The following ARB2A variants were observed in gnomAD, a reference collection of about 807,000 sequenced individuals.
The protein encoded by ARB2A is cotranscriptional regulator ARB2A.
At chr5:93,995,370 A>C in the ARB2A span, among the ~76,000 whole-genome samples, 1 of 152,224 alleles carries the variant, frequency 6.6e-6, no homozygotes, top group African/African-American at 2.4e-5. Flanking sequence ...ACCTTGAATA[A>C]TACCATGGGA....
the ARB2A span, among the ~76,000 whole-genome samples, chr5:93,969,907 G>A: frequency 6.6e-6 from 1 of 151,928 alleles, no homozygotes; most frequent in Non-Finnish European, 1.5e-5. Flanking sequence ...ACATTAAGAA[G>A]CCTCCTAGAA....
chr5:93,667,182 C>T, the ARB2A span, among the ~76,000 whole-genome samples: 1 of 152,076 alleles, frequency 6.6e-6, no homozygotes, highest in Non-Finnish European at 1.5e-5. Context: ...TTTTCTTAAC[C>T]TTCCAATTGC....
At chr5:93,867,733 T>C in the ARB2A span, among the ~76,000 whole-genome samples, 3 of 152,032 alleles carry the variant, frequency 2.0e-5, no homozygotes, top group Admixed American at 6.6e-5. Flanking sequence ...AGAACAAGAA[T>C]TAAGGAAAGT....
the ARB2A span, among the ~76,000 whole-genome samples, chr5:93,718,173 G>A: frequency 1.3e-5 from 2 of 151,996 alleles, no homozygotes; most frequent in African/African-American, 2.4e-5. Context: ...TGGGCGCGGT[G>A]GCTCACACCT....
chr5:93,689,949 G>A, the ARB2A span, among the ~76,000 whole-genome samples: 3 of 152,100 alleles, frequency 2.0e-5, no homozygotes, highest in African/African-American at 7.2e-5. Context: ...GAAGCCCAAG[G>A]GGTTGAAGAA....
the ARB2A span, among the ~76,000 whole-genome samples, chr5:93,682,533 A>G: frequency 6.6e-6 from 1 of 150,858 alleles, no homozygotes; most frequent in Non-Finnish European, 1.5e-5. Context: ...TTATTAAAAT[A>G]CTGAGTTTTA....
the ARB2A span, among the ~76,000 whole-genome samples, chr5:93,710,530 AC>A: frequency 6.6e-6 from 1 of 152,230 alleles, no homozygotes; most frequent in Non-Finnish European, 1.5e-5. Flanking sequence ...AGCCACACAC[AC>A]ATAGCTATTT....
the ARB2A span, among the ~76,000 whole-genome samples, chr5:93,835,217 C>A: frequency 6.6e-6 from 1 of 152,144 alleles, no homozygotes; most frequent in African/African-American, 2.4e-5. Flanking sequence ...ATTCTACTAC[C>A]TAGGCATTGC....
chr5:93,928,893 T>C, the ARB2A span, among the ~76,000 whole-genome samples: 1 of 152,086 alleles, frequency 6.6e-6, no homozygotes, highest in Non-Finnish European at 1.5e-5. Flanking sequence ...GAAGAAATAA[T>C]ACTCTTACAG....
the ARB2A span, among the ~76,000 whole-genome samples, chr5:93,777,105 G>T: frequency 6.8e-6 from 1 of 147,306 alleles, no homozygotes; most frequent in Non-Finnish European, 1.5e-5. Context: ...TATCAAAATA[G>T]TTGTAAAGAA....
chr5:93,697,667 A>G, the ARB2A span, among the ~76,000 whole-genome samples: 6 of 152,206 alleles, frequency 3.9e-5, no homozygotes, highest in Admixed American at 3.3e-4. Context: ...TAATTTATAA[A>G]TCACATTGTT....
At chr5:94,007,503 T>C in the ARB2A span, among the ~76,000 whole-genome samples, 1 of 152,196 alleles carries the variant, frequency 6.6e-6, no homozygotes, top group East Asian at 1.9e-4. Flanking sequence ...CTGGGTGCGG[T>C]GGCTCACATC....
the ARB2A span, among the ~76,000 whole-genome samples, chr5:93,988,269 T>C: frequency 6.6e-6 from 1 of 152,168 alleles, no homozygotes; most frequent in Admixed American, 6.5e-5. Flanking sequence ...ATGTAGTAGC[T>C]TCCCAGTGCC....
At chr5:94,022,108 T>G in the ARB2A span, among the ~76,000 whole-genome samples, 1 of 151,920 alleles carries the variant, frequency 6.6e-6, no homozygotes, top group East Asian at 1.9e-4. Flanking sequence ...AATCAAAGGA[T>G]GATTAAAACC....
the ARB2A span, among the ~76,000 whole-genome samples, chr5:93,872,997 T>C: frequency 6.6e-6 from 1 of 152,214 alleles, no homozygotes; most frequent in African/African-American, 2.4e-5. Flanking sequence ...GTCAGCACAC[T>C]TCAGTATAAT....
the ARB2A span, among the ~76,000 whole-genome samples, chr5:94,083,969 A>G: frequency 1.3e-5 from 2 of 152,116 alleles, no homozygotes; most frequent in Non-Finnish European, 2.9e-5. Flanking sequence ...TTTTTAATAC[A>G]TCATTAATAA....
At chr5:93,887,902 T>C in the ARB2A span, among the ~76,000 whole-genome samples, 3 of 151,894 alleles carry the variant, frequency 2.0e-5, no homozygotes, top group African/African-American at 7.2e-5. Flanking sequence ...ACCGCTGTAG[T>C]TGGAAGAAGA....
the ARB2A span, among the ~76,000 whole-genome samples, chr5:94,046,480 C>T: frequency 6.6e-6 from 1 of 152,102 alleles, no homozygotes; most frequent in East Asian, 1.9e-4. Flanking sequence ...AACTCATACC[C>T]ACCAGGAGGG....
chr5:93,637,354 GTTTTT>G, the ARB2A span, among the ~76,000 whole-genome samples: 408 of 116,090 alleles, frequency 3.5e-3, 6 homozygotes, highest in African/African-American at 0.012. Context: ...GGGTTGTTTA[GTTTTT>G]TTTTTTTTTT....
Sources: gnomAD v4.1 joint callset for allele counts (sites outside exome capture counted in the v4.1 genomes callset) on GRCh38, gnomAD v4.1.1 for gene constraint, MANE v1.5 for transcripts, NCBI Gene and HGNC (gene_info 2026-07-23, HGNC 2026-07-21) for gene names.